THBS2: variants seen among roughly 807,000 people sequenced by gnomAD.
THBS2 encodes thrombospondin-2.
THBS2 carries 47 observed loss-of-function variants against 135.2 expected under a neutral mutation model. The ratio of observed to expected loss-of-function variants is 0.35; its 90% CI spans 0.28 to 0.44. The LOEUF is 0.44. Among genes scored for constraint, THBS2 ranks in the 20% least tolerant of loss-of-function variants. THBS2 has a pLI of 1.00. For missense variants in THBS2, 1,288 were observed against 1,603.1 expected, an observed-to-expected ratio of 0.80 and a Z score of 3.36; for synonymous variants, 639 against 633.8, an observed-to-expected ratio of 1.01 and a Z score of -0.12.
At chr6:169,229,795 C>T in intron 13 of THBS2, 116 bp from the exon 14 acceptor site, 1 of 770,242 alleles carries the variant, frequency 1.3e-6, no homozygotes, top group Non-Finnish European at 2.1e-6. Flanking sequence ...CCCATCAGTC[C>T]TCGATCTCAA....
chr6:169,248,735 C>T lies in THBS2; in HGVS notation c.291G>A (p.Arg97=), dbSNP rs1271303201. 1.2e-6 allele frequency: 2 copies of T among 1,613,644 alleles called. No homozygotes were observed. The highest frequency in any genetic ancestry group is 1.3e-5 in the African/African-American group (1 of 75,002). Residue 97 remains arginine, a synonymous_variant, in exon 3 of 22, where the codon AGG becomes AGA. Coordinates refer to ENST00000617924, the MANE Select transcript of THBS2 (RefSeq NM_003247.5). ...TAQLKQDGKS[R]GTLLALEGPG... ...GGCCCTCCAGAGCCAACAGCGTGCCCCTGGACTTGCCGTCCTGCTTGAGCT... is the reference window on the plus strand; with the variant it reads ...GGCCCTCCAGAGCCAACAGCGTGCCTCTGGACTTGCCGTCCTGCTTGAGCT...
chr6:169,237,109 C>T, intron 9 of THBS2, 61 bp downstream of exon 9: 3 of 1,539,364 alleles, frequency 1.9e-6, no homozygotes, highest in South Asian at 1.2e-5. Context: ...CCAGCTGTGG[C>T]TGCTCACTGT....
chr6:169,223,394 T>C lies in THBS2; in HGVS notation c.2855A>G (p.Asn952Ser). ...PDIDDVCPEN[N>S]AISETDFRNF... ...CCTGAAGTCTGTCTCACTGATGGCA[T>C]TGTTTTCAGGACACACATCATCAAT... Residue 952 changes from asparagine to serine, a missense_variant, in exon 18 of 22, where the codon AAT becomes AGT. Physicochemically the swap from Asn to Ser is conservative, Grantham distance 46. This residue lies in a region of THBS2 where 874 missense variants were observed against 1,156.1 expected (regional missense o/e 0.76). Coordinates refer to ENST00000617924, the MANE Select transcript of THBS2 (RefSeq NM_003247.5). 1 of 1,614,198 alleles carries C rather than the reference T, an allele frequency of 6.2e-7. No homozygotes were observed.
At position 169,237,289 on chromosome 6, in the gene THBS2, C is replaced by A; in HGVS notation, c.1358G>T (p.Cys453Phe). The change falls in exon 9 of 22, where the codon TGT (cysteine) becomes TTT (phenylalanine). Residue 453 changes from cysteine (C) to phenylalanine (F), a missense_variant. This residue lies in a region of THBS2 where 874 missense variants were observed against 1,156.1 expected (regional missense o/e 0.76). Coordinates refer to ENST00000617924, the MANE Select transcript of THBS2 (RefSeq NM_003247.5). ...WSPWSSCSVT[C>F]GVGNITRIRL... ...GATGCGTGTGATATTGCCAACTCCA[C>A]AGGTCACAGAGCATGAAGACCAAGG... is the stretch of plus-strand genomic sequence containing the variant. 6.2e-7 allele frequency: 1 copy of A among 1,613,504 alleles called. No homozygotes were observed. The highest frequency in any genetic ancestry group is 2.2e-5 in the East Asian group (1 of 44,886).
Position 169,252,057 on chromosome 6 carries a change from C to T in THBS2, c.-22-1251G>A, listed in dbSNP as rs560493999. The T allele has an allele frequency of 2.6e-5, 4 of 152,238 alleles. No individual in the cohort carries two copies. Among genetic ancestry groups the T allele is most frequent in the South Asian group, 4.1e-4 (2 of 4,828 alleles). The allele number at this position is 152,238 out of a possible 1,614,324, so 9.4% of individuals were successfully genotyped here. On this transcript the variant is annotated intron_variant, in intron 1 of 21. Transcript: ENST00000617924. This position sits in a 1 kb window ranked among gnomAD's most constrained non-coding sequence, Gnocchi z 4.3. Reference sequence around the variant, plus strand: ...GCGTCATGTAAAATGCCCACCTCATCGGGTTGTCATGAGAGATGAATTCGG... The same window carrying T: ...GCGTCATGTAAAATGCCCACCTCATTGGGTTGTCATGAGAGATGAATTCGG...
chr6:169,225,048 G>T, intron 17 of THBS2, 97 bp downstream of exon 17: 2 of 1,214,472 alleles, frequency 1.6e-6, no homozygotes, highest in Non-Finnish European at 1.2e-6. Flanking sequence ...TTTTCCAGCA[G>T]CAGATTTAAG....
chr6:169,231,835 A>C, intron 13 of THBS2, 145 bp downstream of exon 13: 1 of 904,010 alleles, frequency 1.1e-6, no homozygotes, highest in Non-Finnish European at 1.7e-6. Context: ...GGATGCATTC[A>C]ACCTGGTGAT....
At chr6:169,226,463 A>C (rs1207064584) in intron 15 of THBS2, among the ~76,000 whole-genome samples, 165 bp from the exon 16 acceptor site, 1 of 152,258 alleles carries the variant, frequency 6.6e-6, no homozygotes, top group Non-Finnish European at 1.5e-5. Context: ...AAAGACTATT[A>C]GATTTTAGAA....
At chr6:169,245,278 G>A (rs1399194869) in intron 4 of THBS2, among the ~76,000 whole-genome samples, 4 of 152,162 alleles carry the variant, frequency 2.6e-5, no homozygotes, top group Non-Finnish European at 5.9e-5. Flanking sequence ...GAAAGTGAAA[G>A]TGCCCATCTC....
At chr6:169,219,713 G>C (rs1396995735) in intron 21 of THBS2, 1 of 495,476 alleles carries the variant, frequency 2.0e-6, no homozygotes, top group East Asian at 5.5e-5. Context: ...TCTGTGGAAG[G>C]GTAATGCGCA....
At chr6:169,250,051 A>G (rs1387741092) in intron 2 of THBS2, among the ~76,000 whole-genome samples, 1 of 152,022 alleles carries the variant, frequency 6.6e-6, no homozygotes, top group African/African-American at 2.4e-5. Context: ...AAAAAGTAAT[A>G]CACTGAACAG....
Position 169,222,230 on chromosome 6 carries a change from G to A in THBS2, c.3240C>T (p.Asn1080=), listed in dbSNP as rs33925221. The change falls in exon 19 of 22, where the codon AAC becomes AAT. Residue 1080 remains asparagine (N), a synonymous_variant. Coordinates refer to ENST00000617924, the MANE Select transcript of THBS2 (RefSeq NM_003247.5). ...GCGTGTTCCCCGTGTGCCACAGCGC[G>A]TTCCTCAGGTGCTCGCCCGTCCCCG... ...STTGTGEHLR[N]ALWHTGNTPG... is the part of the protein sequence containing the mutation. The A allele has an allele frequency of 4.7e-3, 7,574 of 1,612,422 alleles. 277 individuals carry two copies. In the African/African-American group the frequency reaches 0.082, roughly 17 times the overall value.
At position 169,223,298 on chromosome 6, in the gene THBS2, T is replaced by C; in HGVS notation, c.2951A>G (p.Gln984Arg). 6 of 1,614,180 alleles carry C rather than the reference T, an allele frequency of 3.7e-6. No individual in the cohort carries two copies. Among genetic ancestry groups the C allele is most frequent in the Non-Finnish European group, 5.1e-6 (6 of 1,180,038 alleles). ...QIDPNWVIRH[Q>R]GKELVQTANS... ...GGCTGTCTGAACCAGCTCCTTGCCT[T>C]GATGGCGAATGACCCAGTTGGGATC... is the stretch of plus-strand genomic sequence containing the variant. The change falls in exon 18 of 22, where the codon CAA becomes CGA. Residue 984 changes from glutamine (Q) to arginine (R), a missense_variant. This residue lies in a region of THBS2 where 874 missense variants were observed against 1,156.1 expected (regional missense o/e 0.76). Coordinates refer to ENST00000617924, the MANE Select transcript of THBS2 (RefSeq NM_003247.5).
intron 9 of THBS2, among the ~76,000 whole-genome samples, 177 bp downstream of exon 9, chr6:169,236,993 A>C (rs1482125701): frequency 6.6e-6 from 1 of 152,268 alleles, no homozygotes; most frequent in Non-Finnish European, 1.5e-5. Context: ...AATTAATCAC[A>C]AAGGATGGGT....
intron 9 of THBS2, 51 bp downstream of exon 9, chr6:169,237,119 T>A (rs1780124534): frequency 6.4e-7 from 1 of 1,556,540 alleles, no homozygotes; most frequent in Admixed American, 1.8e-5. Flanking sequence ...CTGCTCACTG[T>A]GAGCTGCCTG....
At chr6:169,242,954 ACCTTCCCACTG>A (rs1780399578) in intron 4 of THBS2, among the ~76,000 whole-genome samples, 1 of 44,744 alleles carries the variant, frequency 2.2e-5, no homozygotes, top group Non-Finnish European at 4.5e-5. Context: ...CCACCTTCCC[ACCTTCCCACTG>A]CTCCCACCTT....
Position 169,216,474 on chromosome 6 carries a change from C to T in THBS2, c.*1348G>A, listed in dbSNP as rs1257004958. 1 of 150,730 alleles carries T rather than the reference C, an allele frequency of 6.6e-6. No individual in the cohort carries two copies. Among genetic ancestry groups the T allele is most frequent in the Non-Finnish European group, 1.5e-5 (1 of 67,862 alleles). 9.3% of individuals were successfully genotyped at this position (150,730 alleles called of 1,614,324 possible). A position where few individuals can be genotyped will look rare whatever the true frequency, so the allele number is the denominator to read the frequency against. ...ACAAACTTGTGCATATTACACATGA[C>T]TGATTATTGGGTGTGCCTGGCAAGA... On this transcript the variant is annotated 3_prime_UTR_variant, in exon 22 of 22. Transcript: ENST00000617924.
chr6:169,217,586 T>G lies in THBS2; in HGVS notation c.*236A>C. 2.0e-6 allele frequency: 1 copy of G among 487,856 alleles called. No individual in the cohort carries two copies. The highest frequency in any genetic ancestry group is 4.8e-5 in the South Asian group (1 of 20,730). 30.2% of individuals were successfully genotyped at this position (487,856 alleles called of 1,614,324 possible). ...TTTTCACTCCACATAAAGTCTCATA[T>G]ATCACCAAACTGGTTTCCTCTAGTG... On this transcript the variant is annotated 3_prime_UTR_variant, in exon 22 of 22. Coordinates refer to ENST00000617924, the MANE Select transcript of THBS2 (RefSeq NM_003247.5).
chr6:169,237,146 G>A, intron 9 of THBS2, 24 bp downstream of exon 9: 1 of 1,584,554 alleles, frequency 6.3e-7, no homozygotes. Context: ...CGCCCACCCA[G>A]GGCCCCGCCT....
Sources: gnomAD v4.1 joint callset for allele counts (sites outside exome capture counted in the v4.1 genomes callset) on GRCh38, gnomAD v4.1.1 for gene constraint, gnomAD v4.1.1 regional missense constraint, Gnocchi (gnomAD v3.1) non-coding constraint, MANE v1.5 for transcripts, NCBI Gene and HGNC (gene_info 2026-07-23, HGNC 2026-07-21) for gene names.